TMEM209: variants seen among roughly 807,000 people sequenced by gnomAD.
TMEM209 encodes testicular tissue protein Li 202.
In TMEM209, 65 loss-of-function variants were observed where a neutral mutation model predicts 76.2. The ratio of observed to expected loss-of-function variants is 0.85; its 90% CI spans 0.70 to 1.05. The LOEUF is 1.05. TMEM209 is among the 50% of genes least tolerant of loss of function. The probability of loss-of-function intolerance (pLI) is 0.00; values close to 1 mark genes in which losing one functional copy is unlikely to be tolerated. For missense variants in TMEM209, 623 were observed against 685.5 expected (o/e 0.91, Z 1.02); for synonymous variants, 239 against 237.6 (o/e 1.01, Z -0.06).
intron 6 of TMEM209, chr7:130,192,325 C>T (rs1044862591): frequency 5.8e-6 from 2 of 345,188 alleles, no homozygotes; most frequent in South Asian, 6.2e-5. Context: ...AAGTTCACTA[C>T]GCACTGCTTC....
chr7:130,204,944 C>G (rs1221276427), intron 1 of TMEM209: 27 of 1,074,364 alleles, frequency 2.5e-5, no homozygotes, highest in Middle Eastern at 4.4e-4. Flanking sequence ...GGACAAGGAT[C>G]CAAGTTTTAG....
At chr7:130,183,476 T>G (rs1417201654) in intron 8 of TMEM209, among the ~76,000 whole-genome samples, 1 of 151,882 alleles carries the variant, frequency 6.6e-6, no homozygotes, top group Non-Finnish European at 1.5e-5. Context: ...TAAATAAGAG[T>G]AAAAGGATAA....
chr7:130,199,610 T>A (rs1743983381), intron 5 of TMEM209, among the ~76,000 whole-genome samples: 1 of 152,168 alleles, frequency 6.6e-6, no homozygotes, highest in Admixed American at 6.5e-5. Flanking sequence ...ACTCAACTCA[T>A]TATTTTTTCC....
intron 9 of TMEM209, among the ~76,000 whole-genome samples, chr7:130,179,394 C>T (rs1485907462): frequency 6.6e-6 from 1 of 152,008 alleles, no homozygotes; most frequent in African/African-American, 2.4e-5. Context: ...AACTAATATA[C>T]AGAAAATTTG....
In TMEM209 at chr7:130,170,389, TAAG is replaced by T; in HGVS notation, c.1631+8_1631+10del. ...AATAACTACTTACGTTTTTAAAGCA[TAAG>T]TACCTACCCAAGCATTCCTGACTCT... On this transcript the variant is annotated splice_region_variant and intron_variant, in intron 14 of 14. Coordinates refer to ENST00000397622, the MANE Select transcript of TMEM209 (RefSeq NM_032842.4). 1 of 1,605,390 alleles carries T rather than the reference TAAG, an allele frequency of 6.2e-7. No individual in the cohort carries two copies. The highest frequency in any genetic ancestry group is 2.2e-5 in the East Asian group (1 of 44,806).
intron 8 of TMEM209, among the ~76,000 whole-genome samples, chr7:130,183,349 A>C (rs142851913): frequency 6.6e-6 from 1 of 152,120 alleles, no homozygotes; most frequent in Non-Finnish European, 1.5e-5. Flanking sequence ...CACCCTTATA[A>C]ATTCTAATTG....
At chr7:130,180,089 T>C (rs1313106816) in intron 9 of TMEM209, among the ~76,000 whole-genome samples, 1 of 152,224 alleles carries the variant, frequency 6.6e-6, no homozygotes, top group Admixed American at 6.5e-5. Context: ...ATATGCACCG[T>C]AGCATTATTG....
intron 13 of TMEM209, 150 bp from the exon 14 acceptor site, chr7:130,170,623 C>T: frequency 1.5e-6 from 1 of 665,492 alleles, no homozygotes; most frequent in East Asian, 2.8e-5. Context: ...AGTACCTACG[C>T]TTTGTGCTAG....
At chr7:130,198,236 A>C (rs1230056296) in intron 5 of TMEM209, among the ~76,000 whole-genome samples, 7 of 152,074 alleles carry the variant, frequency 4.6e-5, no homozygotes, top group Non-Finnish European at 5.9e-5. Context: ...TGTACCATAC[A>C]CCTATCATTT....
rs1197669169 is a variant in TMEM209, at chr7:130,170,847, G to A, written c.1558-374C>T. Among the ~76,000 whole-genome samples the A allele has an allele frequency of 4.7e-5, 6 of 126,382 alleles. No individual in the cohort carries two copies. The East Asian group carries it at 1.3e-3, about 28-fold the overall frequency. The allele number at this position is 126,382 out of a possible 152,430, so 82.9% of individuals were successfully genotyped here. On this transcript the variant is annotated intron_variant, in intron 13 of 14. Coordinates refer to ENST00000397622, the MANE Select transcript of TMEM209 (RefSeq NM_032842.4). ...AGGGAAAGATTTTTTTTTTTTTTTT[G>A]AGATGGAGTCTCGCTGTGTCGTCCA...
chr7:130,193,442 G>A (rs1271934239), intron 5 of TMEM209, among the ~76,000 whole-genome samples: 1 of 152,012 alleles, frequency 6.6e-6, no homozygotes, highest in African/African-American at 2.4e-5. Flanking sequence ...GGAGGCTGAG[G>A]CAGGAGAATC....
chr7:130,175,309 A>G (rs1027987638), intron 11 of TMEM209: 2 of 451,992 alleles, frequency 4.4e-6, no homozygotes, highest in African/African-American at 4.1e-5. Context: ...AAAAAATTAA[A>G]AAAATTAGCT....
At chr7:130,167,205 T>A (rs1383815115) in intron 14 of TMEM209, among the ~76,000 whole-genome samples, 2 of 152,150 alleles carry the variant, frequency 1.3e-5, no homozygotes, top group African/African-American at 4.8e-5. Flanking sequence ...AGAAGCAGAC[T>A]TGGGGAATAC....
chr7:130,195,240 T>C (rs970892354), intron 5 of TMEM209, among the ~76,000 whole-genome samples: 1 of 152,274 alleles, frequency 6.6e-6, no homozygotes, highest in East Asian at 1.9e-4. Flanking sequence ...AGAAAATCTT[T>C]ATAACAGTAT....
chr7:130,170,397 T>C lies in TMEM209; in HGVS notation c.1631+3A>G. On this transcript the variant is annotated splice_donor_region_variant and intron_variant, in intron 14 of 14. Transcript: ENST00000397622. ...CTTACGTTTTTAAAGCATAAGTACC[T>C]ACCCAAGCATTCCTGACTCTTTGGT... 6.2e-7 allele frequency: 1 copy of C among 1,609,680 alleles called. No individual in the cohort carries two copies. Among genetic ancestry groups the C allele is most frequent in the Non-Finnish European group, 8.5e-7 (1 of 1,177,678 alleles).
Position 130,165,167 on chromosome 7 carries a change from G to A in TMEM209, c.*1284C>T, listed in dbSNP as rs376254994. ...TCAAAGTCTGAGGGAATGACAAAAC[G>A]GGATGCACATCTAACACTGATACAC... On this transcript the variant is annotated 3_prime_UTR_variant, in exon 15 of 15. Transcript: ENST00000397622. 22 of 152,208 alleles carry A rather than the reference G, an allele frequency of 1.4e-4. No individual in the cohort carries two copies. The highest frequency in any genetic ancestry group is 1.2e-3 in the East Asian group (6 of 5,192). 9.4% of individuals were successfully genotyped at this position (152,208 alleles called of 1,614,324 possible).
At chr7:130,203,884 A>G in intron 2 of TMEM209, 38 bp from the exon 3 acceptor site, 1 of 1,590,622 alleles carries the variant, frequency 6.3e-7, no homozygotes, top group Non-Finnish European at 8.5e-7. Context: ...GTGAACCTAA[A>G]AACACCAAAA....
intron 7 of TMEM209, 57 bp from the exon 8 acceptor site, chr7:130,184,312 C>T: frequency 7.9e-7 from 1 of 1,269,740 alleles, no homozygotes; most frequent in Non-Finnish European, 1.1e-6. Context: ...TGATAGAAAT[C>T]ATCATTCTTT....
chr7:130,175,575 T>A lies in TMEM209; in HGVS notation c.1281A>T (p.Arg427=). The change falls in exon 11 of 15, where the codon CGA becomes CGT. Residue 427 remains arginine, a synonymous_variant. Transcript: ENST00000397622. ...LSQGGCMSSF[R]WNRGGDFKGR... is the part of the protein sequence containing the mutation. Reference sequence around the variant, plus strand: ...CTTTGAAGTCGCCACCTCTGTTCCATCGAAATGAGCTCATACAACCTCCCT... The same window carrying A: ...CTTTGAAGTCGCCACCTCTGTTCCAACGAAATGAGCTCATACAACCTCCCT... 1 of 1,613,054 alleles carries A rather than the reference T, an allele frequency of 6.2e-7. No individual in the cohort carries two copies. Among genetic ancestry groups the A allele is most frequent in the Non-Finnish European group, 8.5e-7 (1 of 1,179,664 alleles).
Sources: gnomAD v4.1 joint callset for allele counts (sites outside exome capture counted in the v4.1 genomes callset) on GRCh38, gnomAD v4.1.1 for gene constraint, MANE v1.5 for transcripts, NCBI Gene and HGNC (gene_info 2026-07-23, HGNC 2026-07-21) for gene names.